ZNF541: variants seen among roughly 807,000 people sequenced by gnomAD.
ZNF541 encodes the protein zinc finger protein 541.
ZNF541 carries 23 observed loss-of-function variants against 123.5 expected under a neutral mutation model. The ratio of observed to expected loss-of-function variants is 0.19; its 90% CI spans 0.13 to 0.26. The LOEUF is 0.26. Among genes scored for constraint, ZNF541 ranks in the 10% least tolerant of loss-of-function variants. The pLI is 1.00. For missense variants in ZNF541, 1,612 were observed against 1,789.9 expected (o/e 0.90, Z 1.79); for synonymous variants, 751 against 754.5 (o/e 1.00, Z 0.08).
chr19:47,564,028 A>G (rs533962102), intron 2 of ZNF541, among the ~76,000 whole-genome samples: 1 of 152,296 alleles, frequency 6.6e-6, no homozygotes, highest in East Asian at 1.9e-4. Context: ...CAAATAAGAG[A>G]GACTAATTTG....
intron 14 of ZNF541, among the ~76,000 whole-genome samples, chr19:47,522,759 T>C (rs1026348827): frequency 6.6e-5 from 10 of 151,272 alleles, no homozygotes; most frequent in Non-Finnish European, 1.5e-4. Context: ...TTTTTTTTTT[T>C]TTTTTGAGAC....
rs1461402333 is a variant in ZNF541, at chr19:47,555,743, A to G, written c.114T>C (p.Gly38=). Residue 38 remains glycine (G), a synonymous_variant, in exon 3 of 17, where the codon GGT becomes GGC. Coordinates refer to ENST00000391901, the MANE Select transcript of ZNF541 (RefSeq NM_001277075.3). ...NCSDTLNRDL[G]PNTRGFLYAG... is the part of the protein sequence containing the mutation. ...CATAAAGAAAGCCTCGCGTGTTGGG[A>G]CCCAAATCCCGGTTGAGGGTGTCGC... 2 of 1,551,606 alleles carry G rather than the reference A, an allele frequency of 1.3e-6. No individual in the cohort carries two copies. Among genetic ancestry groups the G allele is most frequent in the Non-Finnish European group, 1.7e-6 (2 of 1,146,984 alleles).
Position 47,539,750 on chromosome 19 carries a change from C to T in ZNF541, c.2751G>A (p.Ser917=), listed in dbSNP as rs1475175562. 1.2e-5 allele frequency: 17 copies of T among 1,458,010 alleles called. 1 individual carries two copies. The highest frequency in any genetic ancestry group is 1.1e-4 in the South Asian group (8 of 70,162). The allele number at this position is 1,458,010 out of a possible 1,614,324, so 90.3% of individuals were successfully genotyped here. Residue 917 remains serine, a synonymous_variant, in exon 8 of 17, where the codon TCG becomes TCA. Coordinates refer to ENST00000391901, the MANE Select transcript of ZNF541 (RefSeq NM_001277075.3). ...TAAAPLVVPQ[S]IPVVPVTRHI... The stretch of plus-strand genomic sequence containing the variant: ...GTCGGGTCACTGGAACCACGGGGAT[C>T]GATTGGGGGACCACCAAAGGGGCTG...
intron 14 of ZNF541, among the ~76,000 whole-genome samples, chr19:47,525,524 C>T (rs1969246371): frequency 6.6e-6 from 1 of 152,126 alleles, no homozygotes; most frequent in Non-Finnish European, 1.5e-5. Context: ...TGAATATCCA[C>T]ATGCAAAAAA....
At position 47,545,108 on chromosome 19, in the gene ZNF541, A is replaced by C; in HGVS notation, c.1421T>G (p.Phe474Cys). The C allele has an allele frequency of 6.7e-7, 1 of 1,481,576 alleles. No individual in the cohort carries two copies. The highest frequency in any genetic ancestry group is 8.9e-7 in the Non-Finnish European group (1 of 1,118,992). The allele number at this position is 1,481,576 out of a possible 1,614,324, so 91.8% of individuals were successfully genotyped here. ...PGGGLEDALP[F>C]PAALLRVPAE... is the part of the protein sequence containing the mutation. ...GGGGACCCTGAGGAGCGCGGCAGGGAAGGGCAGAGCATCCTCCAGGCCACC... is the reference window on the plus strand; with the variant it reads ...GGGGACCCTGAGGAGCGCGGCAGGGCAGGGCAGAGCATCCTCCAGGCCACC... The change falls in exon 5 of 17, where the codon TTC becomes TGC. Residue 474 changes from phenylalanine (F) to cysteine (C), a missense_variant. This residue lies in a region of ZNF541 where 1,080 missense variants were observed against 1,013.8 expected (regional missense o/e 1.07). Transcript: ENST00000391901. The surrounding 1 kb of genome is among the most constrained non-coding windows in gnomAD (Gnocchi z 7.5).
chr19:47,543,800 G>A (rs767064699), intron 5 of ZNF541, among the ~76,000 whole-genome samples: 16 of 151,822 alleles, frequency 1.1e-4, no homozygotes, highest in East Asian at 5.9e-4. Context: ...GTGCCACCAC[G>A]CCCAGCTACT....
At chr19:47,543,114 A>T (rs893911524) in intron 5 of ZNF541, among the ~76,000 whole-genome samples, 11 of 152,078 alleles carry the variant, frequency 7.2e-5, no homozygotes, top group African/African-American at 2.7e-4. Context: ...CTCCATCTCT[A>T]AAAAATATAT....
intron 1 of ZNF541, among the ~76,000 whole-genome samples, chr19:47,572,269 G>A (rs914665587): frequency 1.4e-4 from 22 of 152,194 alleles, no homozygotes; most frequent in African/African-American, 4.8e-4. Flanking sequence ...AATTTTACCG[G>A]GAGAAACTTA....
At chr19:47,523,540 T>A (rs2044285847) in intron 14 of ZNF541, among the ~76,000 whole-genome samples, 1 of 152,116 alleles carries the variant, frequency 6.6e-6, no homozygotes, top group Admixed American at 6.5e-5. Flanking sequence ...AAAAAAAAGT[T>A]GGACTTCTGC....
At chr19:47,538,601 G>A (rs1969936879) in intron 8 of ZNF541, 162 bp from the exon 9 acceptor site, 4 of 667,692 alleles carry the variant, frequency 6.0e-6, no homozygotes, top group South Asian at 2.3e-5. Flanking sequence ...CAGACCTGAC[G>A]TACTGAGCCT....
rs1201206197 is a variant in ZNF541, at chr19:47,531,826, C to CAG, written c.3302-83_3302-82dup. 2.4e-6 allele frequency: 3 copies of CAG among 1,271,676 alleles called. No homozygotes were observed. The African/African-American group carries it at 4.4e-5, about 19-fold the overall frequency. 78.8% of individuals were successfully genotyped at this position (1,271,676 alleles called of 1,614,324 possible). A position where few individuals can be genotyped will look rare whatever the true frequency, so the allele number is the denominator to read the frequency against. On this transcript the variant is annotated intron_variant, in intron 11 of 16. Coordinates refer to ENST00000391901, the MANE Select transcript of ZNF541 (RefSeq NM_001277075.3). Reference sequence around the variant, plus strand: ...GGGAGGAACCTTTCCCGAAAGACAGCAGAGAGGGGGTGCCTTCCCCTTCTC... The same window carrying CAG: ...GGGAGGAACCTTTCCCGAAAGACAGCAGAGAGAGGGGGTGCCTTCCCCTTCTC...
chr19:47,571,116 G>A (rs979561997), intron 2 of ZNF541, among the ~76,000 whole-genome samples: 2 of 151,064 alleles, frequency 1.3e-5, no homozygotes, highest in Admixed American at 1.3e-4. Flanking sequence ...TCCCTATGCT[G>A]TCTTTTTTTT....
intron 12 of ZNF541, among the ~76,000 whole-genome samples, chr19:47,531,239 G>C (rs916320175): frequency 2.1e-5 from 3 of 145,716 alleles, no homozygotes; most frequent in Admixed American, 6.7e-5. Context: ...GAGCGGGGGG[G>C]GGGGGGGGGG....
Position 47,555,580 on chromosome 19 carries a change from C to T in ZNF541, c.277G>A (p.Ala93Thr), listed in dbSNP as rs377098313. ...AAGGATGCCTGAGACTCCGAATCTG[C>T]GTACTCCTCCAGCAGCTTCACAGAA... is the stretch of plus-strand genomic sequence containing the variant. ...SDSVKLLEEYADSESQASLQD... is the reference protein window; with the variant it reads ...SDSVKLLEEYTDSESQASLQD... Residue 93 changes from alanine to threonine, a missense_variant, in exon 3 of 17, where the codon GCA (alanine) becomes ACA (threonine). By Grantham distance (58) the Ala-to-Thr change is moderately conservative (BLOSUM62 0). Around this residue, in one of 5 missense-constraint regions of ZNF541, gnomAD observed 212 missense variants for 289.6 expected, o/e 0.73. Transcript: ENST00000391901. 16 of 1,549,150 alleles carry T rather than the reference C, an allele frequency of 1.0e-5. No homozygotes were observed. In the African/African-American group the frequency reaches 1.6e-4, roughly 16 times the overall value.
At chr19:47,555,369 C>CA (rs367574327) in intron 3 of ZNF541, among the ~76,000 whole-genome samples, 181 bp downstream of exon 3, 3,121 of 62,890 alleles carry the variant, frequency 0.05, 44 homozygotes, top group Middle Eastern at 0.12. Flanking sequence ...GACTCCATCT[C>CA]AAAAAAAAAA....
chr19:47,563,057 T>C (rs947165170), intron 2 of ZNF541, among the ~76,000 whole-genome samples: 1 of 152,228 alleles, frequency 6.6e-6, no homozygotes, highest in South Asian at 2.1e-4. Context: ...GAACTTTTCA[T>C]GTTGATATGT....
At chr19:47,555,451 AAAAATTTTCTT>A in intron 3 of ZNF541, 88 bp downstream of exon 3, 1 of 1,240,078 alleles carries the variant, frequency 8.1e-7, no homozygotes, top group Non-Finnish European at 1.1e-6. Context: ...TGTAGGAGGG[AAAAATTTTCTT>A]AACCAATCCA....
rs780386192 is a variant in ZNF541, at chr19:47,545,836, CG to C, written c.692del (p.Pro231ArgfsTer49). On this transcript the variant is annotated frameshift_variant, in exon 5 of 17. Coordinates refer to ENST00000391901, the MANE Select transcript of ZNF541 (RefSeq NM_001277075.3). LOFTEE classifies it high-confidence loss of function. This position sits in a 1 kb window ranked among gnomAD's most constrained non-coding sequence, Gnocchi z 7.5. ...HGLCILKEAP[P>X]EEEACGDSPH... is the part of the protein sequence containing the mutation. ...GGGAGTCCCCGCAGGCCTCTTCCTCCGGGGGGGCTTCCTTCAGGATGCACAG... is the reference window on the plus strand; with the variant it reads ...GGGAGTCCCCGCAGGCCTCTTCCTCCGGGGGGCTTCCTTCAGGATGCACAG... 1.3e-6 allele frequency: 2 copies of C among 1,548,512 alleles called. No homozygotes were observed. Among genetic ancestry groups the C allele is most frequent in the Non-Finnish European group, 1.7e-6 (2 of 1,146,102 alleles).
intron 1 of ZNF541, among the ~76,000 whole-genome samples, 24 bp downstream of exon 1, chr19:47,573,059 G>C (rs911113113): frequency 3.4e-4 from 52 of 150,982 alleles, no homozygotes; most frequent in African/African-American, 1.2e-3. Flanking sequence ...GGGAGGGGCA[G>C]GGGCAGCAGC....
Sources: gnomAD v4.1 joint callset for allele counts (sites outside exome capture counted in the v4.1 genomes callset) on GRCh38, gnomAD v4.1.1 for gene constraint, gnomAD v4.1.1 regional missense constraint, Gnocchi (gnomAD v3.1) non-coding constraint, MANE v1.5 for transcripts, NCBI Gene and HGNC (gene_info 2026-07-23, HGNC 2026-07-21) for gene names.